RMDN2: variants seen among roughly 807,000 people sequenced by gnomAD.
The protein encoded by RMDN2 is regulator of microtubule dynamics 2, also known as regulator of microtubule dynamics protein 2.
Under a neutral mutation model 52.8 loss-of-function variants are expected in RMDN2, and 61 were observed. The ratio of observed to expected loss-of-function variants is 1.16; its 90% CI spans 0.94 to 1.43. The LOEUF is 1.43. RMDN2 is among the 40% of genes most tolerant of loss of function. The pLI, the probability that RMDN2 is intolerant of heterozygous loss-of-function variation, is 0.00. For synonymous variants in RMDN2, 180 were observed against 153.1 expected (o/e 1.18, Z -1.30); for missense variants, 592 against 475.3 (o/e 1.25, Z -2.28).
chr2:37,992,280 C>T (rs189891271), intron 7 of RMDN2, among the ~76,000 whole-genome samples: 69 of 152,210 alleles, frequency 4.5e-4, no homozygotes, highest in African/African-American at 9.9e-4. Flanking sequence ...TATTGTGTTA[C>T]GTACGAAGAA....
intron 2 of RMDN2, among the ~76,000 whole-genome samples, chr2:37,933,732 G>A (rs1181591641): frequency 9.8e-5 from 15 of 152,354 alleles, no homozygotes. Flanking sequence ...GTACCATCCA[G>A]CTTCGGCTCG....
chr2:37,946,219 T>C (rs1668207755), intron 2 of RMDN2, among the ~76,000 whole-genome samples: 1 of 152,176 alleles, frequency 6.6e-6, no homozygotes, highest in South Asian at 2.1e-4. Context: ...CTCTATGAAA[T>C]AGAAAGTAGA....
chr2:37,976,184 C>T (rs1362695149), intron 4 of RMDN2: 1 of 152,148 alleles, frequency 6.6e-6, no homozygotes, highest in Non-Finnish European at 1.5e-5. Flanking sequence ...GTTCATTATT[C>T]TGACATCTAT....
chr2:37,952,499 T>C, intron 2 of RMDN2: 1 of 450,152 alleles, frequency 2.2e-6, no homozygotes, highest in Non-Finnish European at 3.9e-6. Context: ...ATAATACTTT[T>C]GTGGTCTGAA....
intron 10 of RMDN2, among the ~76,000 whole-genome samples, chr2:38,045,737 TC>T (rs937372374): frequency 1.3e-5 from 2 of 152,208 alleles, no homozygotes; most frequent in Admixed American, 6.5e-5. Flanking sequence ...CTCCCAGCTC[TC>T]CCCGCCCTTC....
chr2:37,966,877 C>G (rs56345734), intron 2 of RMDN2, among the ~76,000 whole-genome samples: 51,297 of 151,928 alleles, frequency 0.34, 10,835 homozygotes, highest in South Asian at 0.52. Context: ...GTTTGAGACA[C>G]TAAGAAGGAT....
At chr2:37,982,772 G>A (rs1673493015) in intron 5 of RMDN2, among the ~76,000 whole-genome samples, 1 of 152,078 alleles carries the variant, frequency 6.6e-6, no homozygotes. Context: ...AGAACAGAGG[G>A]TCTTGGCAAT....
intron 2 of RMDN2, among the ~76,000 whole-genome samples, chr2:37,933,508 G>A (rs1000429323): frequency 1.2e-4 from 18 of 152,394 alleles, no homozygotes; most frequent in African/African-American, 3.4e-4. Flanking sequence ...ACCAGACTCC[G>A]TCTGCAATCC....
intron 10 of RMDN2, among the ~76,000 whole-genome samples, chr2:38,034,115 T>A (rs1207894966): frequency 1.3e-5 from 2 of 152,256 alleles, no homozygotes; most frequent in East Asian, 3.8e-4. Flanking sequence ...CGACAGGAAG[T>A]CACCACTGTG....
intron 8 of RMDN2, chr2:37,997,954 A>G (rs892795131): frequency 2.9e-5 from 5 of 172,806 alleles, no homozygotes; most frequent in Non-Finnish European, 6.1e-5. Context: ...TTTAAAAGCT[A>G]ACTCCTAAAG....
At chr2:37,963,314 TTTC>T (rs1292976791) in intron 2 of RMDN2, 14 of 86,998 alleles carry the variant, frequency 1.6e-4, no homozygotes, top group African/African-American at 4.8e-4. Flanking sequence ...TACACGTGAG[TTTC>T]TTTTTTTTTT....
intron 2 of RMDN2, among the ~76,000 whole-genome samples, chr2:37,931,815 C>G (rs1427375211): frequency 6.6e-6 from 1 of 152,200 alleles, no homozygotes; most frequent in Non-Finnish European, 1.5e-5. Flanking sequence ...GTCAAAACTT[C>G]AAGACTGATG....
At chr2:38,034,434 A>G (rs1186329685) in intron 10 of RMDN2, among the ~76,000 whole-genome samples, 1 of 152,218 alleles carries the variant, frequency 6.6e-6, no homozygotes, top group East Asian at 1.9e-4. Flanking sequence ...AATAAAGATC[A>G]GACTTTTTCA....
chr2:37,977,565 T>G (rs13397505), intron 4 of RMDN2, among the ~76,000 whole-genome samples: 1 of 149,388 alleles, frequency 6.7e-6, no homozygotes, highest in African/African-American at 2.5e-5. Flanking sequence ...AGTTCCCAGA[T>G]GGGGCGGCTG....
At chr2:37,962,182 TGAG>T (rs1319442472) in intron 2 of RMDN2, among the ~76,000 whole-genome samples, 1 of 152,208 alleles carries the variant, frequency 6.6e-6, no homozygotes, top group Non-Finnish European at 1.5e-5. Context: ...GGGACTCACT[TGAG>T]GAGGCAATCT....
At chr2:38,010,328 G>A (rs1677780962) in intron 10 of RMDN2, among the ~76,000 whole-genome samples, 1 of 152,222 alleles carries the variant, frequency 6.6e-6, no homozygotes, top group Admixed American at 6.5e-5. Flanking sequence ...ACAGAGGCAG[G>A]CAGGCCTCCT....
chr2:37,927,260 TGTTG>T (rs561322424), intron 1 of RMDN2, among the ~76,000 whole-genome samples: 22 of 152,328 alleles, frequency 1.4e-4, no homozygotes, highest in African/African-American at 4.8e-4. Flanking sequence ...ATCTCCCACA[TGTTG>T]TGGGTGCATC....
rs542627921 is a variant in RMDN2, at chr2:38,066,980, A to G, written c.1714-2A>G. 2.3e-5 allele frequency: 37 copies of G among 1,613,856 alleles called. No individual in the cohort carries two copies. The South Asian group carries it at 3.6e-4, about 16-fold the overall frequency. On this transcript the variant is annotated splice_acceptor_variant, in intron 10 of 10. Transcript: ENST00000234195. LOFTEE classifies it high-confidence loss of function. ...CTTCTTTTCCTGTTTTCACATTAAT[A>G]GGAGCTGTAGTCTGGAAGATAAAGA...
At chr2:37,996,853 A>T (rs1189380086) in intron 7 of RMDN2, among the ~76,000 whole-genome samples, 3 of 152,146 alleles carry the variant, frequency 2.0e-5, no homozygotes, top group African/African-American at 7.2e-5. Context: ...CTGATTTTTT[A>T]AAAAATCTTC....
Sources: gnomAD v4.1 joint callset for allele counts (sites outside exome capture counted in the v4.1 genomes callset) on GRCh38, gnomAD v4.1.1 for gene constraint, MANE v1.5 for transcripts, NCBI Gene and HGNC (gene_info 2026-07-23, HGNC 2026-07-21) for gene names.